LYRM4: variants seen among roughly 807,000 people sequenced by gnomAD.
LYRM4 encodes the protein LYR motif containing 4.
A neutral mutation model predicts 11.7 loss-of-function variants in LYRM4; 9 were observed. That is an observed-to-expected ratio of 0.77 (90% CI 0.46 to 1.34). LYRM4 has a LOEUF of 1.34. Among genes scored for constraint, LYRM4 ranks in the 40% most tolerant of loss-of-function variants. LYRM4 has a pLI of 0.00. For missense variants in LYRM4, 133 were observed against 112.5 expected (o/e 1.18, Z -0.82); for synonymous variants, 42 against 40.4 (o/e 1.04, Z -0.15).
At chr6:5,216,804 A>T in intron 1 of LYRM4, 66 bp from the exon 2 acceptor site, 4 of 1,553,000 alleles carry the variant, frequency 2.6e-6, no homozygotes, top group Non-Finnish European at 2.6e-6. Flanking sequence ...TTTCAAATGA[A>T]TTTTAAAGTT....
At chr6:5,241,249 G>T (rs1002916659) in intron 1 of LYRM4, among the ~76,000 whole-genome samples, 10 of 152,170 alleles carry the variant, frequency 6.6e-5, no homozygotes, top group Non-Finnish European at 1.0e-4. Context: ...ATTTCATAGT[G>T]ACTCTATACT....
At chr6:5,225,247 CA>C (rs35803077) in intron 1 of LYRM4, among the ~76,000 whole-genome samples, 2,900 of 77,004 alleles carry the variant, frequency 0.038, 23 homozygotes, top group Admixed American at 0.058. Flanking sequence ...GACTCCGAAT[CA>C]AAAAAAAAAA....
chr6:5,179,086 A>G lies in LYRM4; in HGVS notation c.207+37532T>C, dbSNP rs563656676. 4.6e-4 allele frequency among the ~76,000 whole-genome samples: 69 copies of G among 149,254 alleles called. No individual in the cohort carries two copies. In the South Asian group the frequency reaches 0.013, roughly 29 times the overall value. On this transcript the variant is annotated intron_variant, in intron 2 of 2. Transcript: ENST00000330636. The stretch of plus-strand genomic sequence containing the variant: ...AAAACAAAAAAAAAAAAAAAAAAAA[A>G]AAAGAAAGAAAAGAGGAAACACCCC...
At chr6:5,206,358 CAGTG>C (rs1434100563) in intron 2 of LYRM4, among the ~76,000 whole-genome samples, 1 of 152,210 alleles carries the variant, frequency 6.6e-6, no homozygotes, top group Admixed American at 6.5e-5. Context: ...GGCCAACAAT[CAGTG>C]AGTATTTATT....
intron 2 of LYRM4, among the ~76,000 whole-genome samples, chr6:5,120,512 T>C (rs1763394553): frequency 6.6e-6 from 1 of 152,168 alleles, no homozygotes. Context: ...CAAGATTTAT[T>C]GTGGAGAGCG....
At chr6:5,110,310 G>C (rs568610692) in intron 2 of LYRM4, among the ~76,000 whole-genome samples, 2 of 103,928 alleles carry the variant, frequency 1.9e-5, no homozygotes, top group African/African-American at 8.1e-5. Flanking sequence ...TAAGCAAACA[G>C]AGCAGCCAGG....
chr6:5,057,284 G>A, the LYRM4 span, among the ~76,000 whole-genome samples: 9 of 152,132 alleles, frequency 5.9e-5, no homozygotes, highest in Non-Finnish European at 1.0e-4. Context: ...GCCTGCACGG[G>A]CTTCGACCTG....
Position 5,244,186 on chromosome 6 carries a change from C to A in LYRM4, c.86+16462G>T, listed in dbSNP as rs535857839. Among the ~76,000 whole-genome samples the A allele has an allele frequency of 1.5e-3, 226 of 152,302 alleles. 2 individuals carry two copies. The highest frequency in any genetic ancestry group is 5.4e-3 in the African/African-American group (225 of 41,572). On this transcript the variant is annotated intron_variant, in intron 1 of 2. Coordinates refer to ENST00000330636, the MANE Select transcript of LYRM4 (RefSeq NM_020408.6). ...TTTCAGTATAGCTTTCAGTAAGTTA[C>A]ATGAAATATTCAATACTTTATTATA...
chr6:5,158,022 A>C (rs2746241), intron 2 of LYRM4, among the ~76,000 whole-genome samples: 68,471 of 151,966 alleles, frequency 0.45, 15,740 homozygotes, highest in East Asian at 0.76. Flanking sequence ...AACACAAGCC[A>C]CACACTCTGT....
At position 5,243,894 on chromosome 6, in the gene LYRM4, T is replaced by C. The variant is rs78617073; in HGVS notation, c.86+16754A>G. On this transcript the variant is annotated intron_variant, in intron 1 of 2. Coordinates refer to ENST00000330636, the MANE Select transcript of LYRM4 (RefSeq NM_020408.6). Reference sequence around the variant, plus strand: ...CATTTCCAATGACATGAACCTTTTTTATTCCTACACCAAATTTTGCCCATA... The same window carrying C: ...CATTTCCAATGACATGAACCTTTTTCATTCCTACACCAAATTTTGCCCATA... Among the ~76,000 whole-genome samples, 1,520 of 152,380 alleles carry C rather than the reference T, an allele frequency of 1.0e-2. 18 individuals are homozygous for C. The highest frequency in any genetic ancestry group is 0.034 in the African/African-American group (1,434 of 41,592).
At chr6:5,235,074 C>A (rs2127747711) in intron 1 of LYRM4, among the ~76,000 whole-genome samples, 1 of 152,222 alleles carries the variant, frequency 6.6e-6, no homozygotes, top group East Asian at 1.9e-4. Flanking sequence ...CAGTGCTTGG[C>A]CCCTTTCCAT....
chr6:5,149,162 G>A (rs1385905756), intron 2 of LYRM4, among the ~76,000 whole-genome samples: 1 of 152,174 alleles, frequency 6.6e-6, no homozygotes, highest in Non-Finnish European at 1.5e-5. Flanking sequence ...CCATCAGTAT[G>A]TATGATATTT....
chr6:5,198,126 A>C (rs1390965357), intron 2 of LYRM4, among the ~76,000 whole-genome samples: 3 of 152,220 alleles, frequency 2.0e-5, no homozygotes, highest in Non-Finnish European at 2.9e-5. Context: ...TGAACCCAGA[A>C]GGCGGAGGTT....
At chr6:5,250,756 T>C (rs780642394) in intron 1 of LYRM4, among the ~76,000 whole-genome samples, 8 of 152,126 alleles carry the variant, frequency 5.3e-5, no homozygotes, top group Non-Finnish European at 8.8e-5. Context: ...ACTTAGAAAA[T>C]TTTACAAAGC....
chr6:5,046,146 A>C, the LYRM4 span, among the ~76,000 whole-genome samples: 1 of 151,628 alleles, frequency 6.6e-6, no homozygotes, highest in Admixed American at 6.6e-5. Flanking sequence ...TTAAAATAAT[A>C]TTCCACTTTT....
At chr6:5,061,967 C>T in the LYRM4 span, among the ~76,000 whole-genome samples, 3 of 152,102 alleles carry the variant, frequency 2.0e-5, no homozygotes, top group South Asian at 2.1e-4. Flanking sequence ...TTTCGTACCA[C>T]CTCCACAATA....
At chr6:5,144,713 C>T (rs918073494) in intron 2 of LYRM4, among the ~76,000 whole-genome samples, 10 of 151,524 alleles carry the variant, frequency 6.6e-5, no homozygotes, top group Admixed American at 2.0e-4. Context: ...TACCCATGGC[C>T]CCAGGAGCTG....
intron 2 of LYRM4, among the ~76,000 whole-genome samples, chr6:5,178,340 T>C (rs901760866): frequency 1.3e-5 from 2 of 152,046 alleles, no homozygotes; most frequent in Non-Finnish European, 2.9e-5. Flanking sequence ...AGGAAGTTTA[T>C]TGGAATAAAC....
At chr6:5,185,065 C>A (rs367803) in intron 2 of LYRM4, among the ~76,000 whole-genome samples, 3 of 152,010 alleles carry the variant, frequency 2.0e-5, no homozygotes, top group Non-Finnish European at 2.9e-5. Context: ...TGCCCTTTGT[C>A]TTCCCCAGCC....
Sources: allele counts gnomAD v4.1 joint callset (sites outside exome capture counted in the v4.1 genomes callset), GRCh38; gene constraint gnomAD v4.1.1; transcripts MANE v1.5; gene names NCBI Gene and HGNC (gene_info 2026-07-23, HGNC 2026-07-21).